SEC24C: variants seen among roughly 807,000 people sequenced by gnomAD.
SEC24C encodes the protein protein transport protein Sec24C.
A neutral mutation model predicts 117.0 loss-of-function variants in SEC24C; 22 were observed. That is an observed-to-expected ratio of 0.19 (90% CI 0.13 to 0.27). The LOEUF is 0.27. Among genes scored for constraint, SEC24C ranks in the 10% least tolerant of loss-of-function variants. SEC24C has a pLI of 1.00. For missense variants in SEC24C, 1,155 were observed against 1,375.1 expected, an observed-to-expected ratio of 0.84 and a Z score of 2.53; for synonymous variants, 506 against 529.4, an observed-to-expected ratio of 0.96 and a Z score of 0.61.
chr10:73,751,343 C>G, intron 3 of SEC24C, 100 bp downstream of exon 3: 7 of 1,216,768 alleles, frequency 5.8e-6, no homozygotes, highest in Non-Finnish European at 7.8e-6. Flanking sequence ...GGTGGATCAC[C>G]TGAGGTCAGG....
chr10:73,749,559 T>C (rs1246662328), intron 2 of SEC24C, among the ~76,000 whole-genome samples: 1 of 151,764 alleles, frequency 6.6e-6, no homozygotes, highest in Non-Finnish European at 1.5e-5. Flanking sequence ...TTTTTTCTTT[T>C]TGGAGACAGA....
In SEC24C at chr10:73,769,214, G is replaced by A. The variant is rs1373077715; in HGVS notation, c.2424+62G>A. ...TCATTCGCTTGGTATAGAAGAGGGTGAGGAATGGGTAGAGAGCACTAAAAG... is the reference window on the plus strand; with the variant it reads ...TCATTCGCTTGGTATAGAAGAGGGTAAGGAATGGGTAGAGAGCACTAAAAG... On this transcript the variant is annotated intron_variant, in intron 17 of 22. Coordinates refer to ENST00000345254, the MANE Select transcript of SEC24C (RefSeq NM_198597.3). The surrounding 1 kb of genome is among the most constrained non-coding windows in gnomAD (Gnocchi z 4.5). 2.5e-6 allele frequency: 4 copies of A among 1,601,740 alleles called. No individual in the cohort carries two copies. Among genetic ancestry groups the A allele is most frequent in the Non-Finnish European group, 3.4e-6 (4 of 1,173,740 alleles).
chr10:73,755,975 C>A (rs2082704527), intron 3 of SEC24C, among the ~76,000 whole-genome samples: 1 of 151,912 alleles, frequency 6.6e-6, no homozygotes, highest in Non-Finnish European at 1.5e-5. Flanking sequence ...CCTCAGCCTC[C>A]CAAGTAGCTG....
chr10:73,766,577 G>A, intron 12 of SEC24C, 36 bp downstream of exon 12: 1 of 1,573,146 alleles, frequency 6.4e-7, no homozygotes, highest in Middle Eastern at 1.7e-4. Flanking sequence ...GGTTGGGGGT[G>A]GCATGGGTAC....
intron 3 of SEC24C, among the ~76,000 whole-genome samples, chr10:73,758,966 C>T (rs1243936586): frequency 3.3e-5 from 5 of 152,024 alleles, no homozygotes; most frequent in Non-Finnish European, 7.4e-5. Context: ...TAGACTGAGG[C>T]GGGCAGATTC....
At chr10:73,766,640 G>T in intron 12 of SEC24C, 99 bp downstream of exon 12, 1 of 1,456,090 alleles carries the variant, frequency 6.9e-7, no homozygotes, top group Non-Finnish European at 9.4e-7. Flanking sequence ...AGATGGAAAG[G>T]GGTTGTGGCC....
Position 73,769,548 on chromosome 10 carries a change from G to C in SEC24C, c.2563+63G>C. 1.9e-6 allele frequency: 3 copies of C among 1,613,222 alleles called. No homozygotes were observed. The highest frequency in any genetic ancestry group is 1.7e-6 in the Non-Finnish European group (2 of 1,179,258). On this transcript the variant is annotated intron_variant, in intron 18 of 22. Transcript: ENST00000345254. This position sits in a 1 kb window ranked among gnomAD's most constrained non-coding sequence, Gnocchi z 4.5. ...AGAGGTCCAGGATGGTGAGTGGGTA[G>C]TTGTGATGGTGGGAATGCACACATG...
rs749457980 is a variant in SEC24C at position 73,765,805 on chromosome 10, C to G, written c.1372C>G (p.Pro458Ala). 2 of 1,613,444 alleles carry G rather than the reference C, an allele frequency of 1.2e-6. No individual in the cohort carries two copies. Among genetic ancestry groups the G allele is most frequent in the African/African-American group, 1.3e-5 (1 of 74,864 alleles). Residue 458 changes from proline to alanine, a missense_variant, in exon 10 of 23, where the codon CCC becomes GCC. Transcript: ENST00000345254. ...CFCSCINDVP[P>A]QYFQHLDHTG... is the part of the protein sequence containing the mutation. ...CACTGCCATGCTTCCCACAGTTCCCCCCCAGTATTTTCAGCACCTGGATCA... is the reference window on the plus strand; with the variant it reads ...CACTGCCATGCTTCCCACAGTTCCCGCCCAGTATTTTCAGCACCTGGATCA...
intron 3 of SEC24C, among the ~76,000 whole-genome samples, chr10:73,755,416 G>A (rs754038518): frequency 2.6e-5 from 4 of 151,912 alleles, no homozygotes; most frequent in Non-Finnish European, 5.9e-5. Flanking sequence ...GGTGGCTCAT[G>A]CCTGTAATTC....
Position 73,767,791 on chromosome 10 carries a change from CTGAGA to C in SEC24C, c.2011-44_2011-40del, listed in dbSNP as rs748052227. On this transcript the variant is annotated intron_variant, in intron 14 of 22. Coordinates refer to ENST00000345254, the MANE Select transcript of SEC24C (RefSeq NM_198597.3). ...TATACAGTTTTCAAATAGGGCGGAG[CTGAGA>C]TATTTGAACATTTTCTTCTCCCCAT... is the stretch of plus-strand genomic sequence containing the variant. The C allele has an allele frequency of 6.7e-6, 10 of 1,484,052 alleles. No individual in the cohort carries two copies. In the East Asian group the frequency reaches 1.2e-4, roughly 17 times the overall value. The allele number at this position is 1,484,052 out of a possible 1,614,324, so 91.9% of individuals were successfully genotyped here.
In SEC24C at chr10:73,771,214, G is replaced by C; in HGVS notation, c.*119G>C. On this transcript the variant is annotated 3_prime_UTR_variant, in exon 23 of 23. Transcript: ENST00000345254. ...CTGACCTCAGTCTCTCTGGGGGGAGGGGGAGATATAAGGAGACACCTTCTT... is the reference window on the plus strand; with the variant it reads ...CTGACCTCAGTCTCTCTGGGGGGAGCGGGAGATATAAGGAGACACCTTCTT... The C allele has an allele frequency of 8.2e-7, 1 of 1,214,248 alleles. No individual in the cohort carries two copies. The allele number at this position is 1,214,248 out of a possible 1,614,324, so 75.2% of individuals were successfully genotyped here. A position where few individuals can be genotyped will look rare whatever the true frequency, so the allele number is the denominator to read the frequency against.
intron 2 of SEC24C, among the ~76,000 whole-genome samples, chr10:73,747,206 A>T (rs991688200): frequency 1.3e-5 from 2 of 151,520 alleles, no homozygotes; most frequent in Non-Finnish European, 2.9e-5. Context: ...TTTTTTTGAG[A>T]CAGTTTTGCT....
intron 3 of SEC24C, among the ~76,000 whole-genome samples, chr10:73,752,958 CT>C (rs1247633302): frequency 6.6e-6 from 1 of 152,206 alleles, no homozygotes; most frequent in Non-Finnish European, 1.5e-5. Context: ...CCCCAAAAGC[CT>C]TTTCCATGTG....
At position 73,770,772 on chromosome 10, in the gene SEC24C, C is replaced by T. The variant is rs1323278064; in HGVS notation, c.3118C>T (p.Arg1040Trp). 5 of 1,613,986 alleles carry T rather than the reference C, an allele frequency of 3.1e-6. No individual in the cohort carries two copies. Among genetic ancestry groups the T allele is most frequent in the African/African-American group, 1.3e-5 (1 of 74,884 alleles). Residue 1040 changes from arginine to tryptophan, a missense_variant, in exon 22 of 23, where the codon CGG becomes TGG. Coordinates refer to ENST00000345254, the MANE Select transcript of SEC24C (RefSeq NM_198597.3). ...GGTTCGAGGCCTCATTGATAGCTTA[C>T]GGGCACAGAGATCCCGGTACATGAA... ...KKVRGLIDSL[R>W]AQRSRYMKLT...
At chr10:73,764,621 G>T (rs772215727) in intron 8 of SEC24C, among the ~76,000 whole-genome samples, 1 of 152,062 alleles carries the variant, frequency 6.6e-6, no homozygotes, top group Non-Finnish European at 1.5e-5. Context: ...CAGATGATGA[G>T]AAGGACATCA....
At chr10:73,752,773 A>G (rs1337826782) in intron 3 of SEC24C, among the ~76,000 whole-genome samples, 2 of 152,124 alleles carry the variant, frequency 1.3e-5, no homozygotes, top group African/African-American at 2.4e-5. Flanking sequence ...GCAGTGAGCC[A>G]TGATTGTACT....
intron 2 of SEC24C, among the ~76,000 whole-genome samples, chr10:73,747,291 T>G (rs754267818): frequency 6.6e-6 from 1 of 152,230 alleles, no homozygotes; most frequent in African/African-American, 2.4e-5. Context: ...TAAGCACTTC[T>G]CCTGCCTCAG....
At chr10:73,770,630 G>T (rs1292349267) in intron 21 of SEC24C, 79 bp from the exon 22 acceptor site, 1 of 1,528,312 alleles carries the variant, frequency 6.5e-7, no homozygotes, top group African/African-American at 1.4e-5. Context: ...TGTTTCAGAT[G>T]ATGCATACAT....
chr10:73,771,361 G>T lies in SEC24C; in HGVS notation c.*266G>T. ...AATGAATGTAGCTTCTCAGTTCACT[G>T]TATATGATTCGGTATTGGGGGTTTG... is the stretch of plus-strand genomic sequence containing the variant. On this transcript the variant is annotated 3_prime_UTR_variant, in exon 23 of 23. Transcript: ENST00000345254. 1 of 447,968 alleles carries T rather than the reference G, an allele frequency of 2.2e-6. No homozygotes were observed. Among genetic ancestry groups the T allele is most frequent in the East Asian group, 4.3e-5 (1 of 23,232 alleles). 27.7% of individuals were successfully genotyped at this position (447,968 alleles called of 1,614,324 possible).
Sources: gnomAD v4.1 joint callset for allele counts (sites outside exome capture counted in the v4.1 genomes callset) on GRCh38, gnomAD v4.1.1 for gene constraint, Gnocchi (gnomAD v3.1) non-coding constraint, MANE v1.5 for transcripts, NCBI Gene and HGNC (gene_info 2026-07-23, HGNC 2026-07-21) for gene names.